NCAM2: variants seen among roughly 807,000 people sequenced by gnomAD.
NCAM2 encodes N-CAM-2.
NCAM2 carries 30 observed loss-of-function variants against 98.1 expected under a neutral mutation model. That is an observed-to-expected ratio of 0.31 (90% CI 0.23 to 0.41). NCAM2 has a LOEUF of 0.41. NCAM2 is among the 10% of genes least tolerant of loss of function. The probability of loss-of-function intolerance (pLI) is 1.00; values close to 1 mark genes in which losing one functional copy is unlikely to be tolerated. For missense variants in NCAM2, 867 were observed against 1,005.8 expected (o/e 0.86, Z 1.87); for synonymous variants, 368 against 342.4 (o/e 1.07, Z -0.83).
chr21:21,497,479 T>TAAAGCA (rs1987323496), intron 15 of NCAM2, among the ~76,000 whole-genome samples: 1 of 152,068 alleles, frequency 6.6e-6, no homozygotes, highest in African/African-American at 2.4e-5. Flanking sequence ...AATCAGATAT[T>TAAAGCA]AAGAAAAAGC....
At position 21,452,999 on chromosome 21, in the gene NCAM2, A is replaced by ATTATATATTATATT. The variant is rs1325754087; in HGVS notation, c.1655-13607_1655-13606insTTATATATTATATT. Among the ~76,000 whole-genome samples the ATTATATATTATATT allele has an allele frequency of 2.0e-3, 182 of 92,136 alleles. 1 individual carries two copies. Among genetic ancestry groups the ATTATATATTATATT allele is most frequent in the African/African-American group, 8.7e-3 (178 of 20,514 alleles). 60.4% of individuals were successfully genotyped at this position (92,136 alleles called of 152,430 possible). Reference sequence around the variant, plus strand: ...TTATATATTATATATTATATTATATAATATATAATATATAAAAATATATAA... The same window carrying ATTATATATTATATT: ...TTATATATTATATATTATATTATATATTATATATTATATTATATATAATATATAAAAATATATAA... On this transcript the variant is annotated intron_variant, in intron 12 of 17. Transcript: ENST00000400546.
At chr21:21,312,464 G>A (rs549370540) in intron 5 of NCAM2, among the ~76,000 whole-genome samples, 1 of 151,288 alleles carries the variant, frequency 6.6e-6, no homozygotes, top group African/African-American at 2.4e-5. Context: ...ATTCATTAAT[G>A]TCATATAATT....
chr21:21,129,053 T>G (rs2066883773), intron 1 of NCAM2, among the ~76,000 whole-genome samples: 1 of 152,166 alleles, frequency 6.6e-6, no homozygotes, highest in South Asian at 2.1e-4. Context: ...TATGAACTGC[T>G]TATTAAGAGC....
In NCAM2 at chr21:21,125,629, TATATA is replaced by T. The variant is rs1353166935; in HGVS notation, c.55+127016_55+127020del. ...TAAATATATAATATGTTATATATAA[TATATA>T]ATATTTTACGTGTATATGTAGAGAT... On this transcript the variant is annotated intron_variant, in intron 1 of 17. Coordinates refer to ENST00000400546, the MANE Select transcript of NCAM2 (RefSeq NM_004540.5). 5.9e-5 allele frequency among the ~76,000 whole-genome samples: 8 copies of T among 135,688 alleles called. No homozygotes were observed. The South Asian group carries it at 6.5e-4, about 11-fold the overall frequency. The allele number at this position is 135,688 out of a possible 152,430, so 89.0% of individuals were successfully genotyped here.
chr21:21,528,436 G>A (rs9974771), intron 16 of NCAM2, among the ~76,000 whole-genome samples: 42,387 of 151,958 alleles, frequency 0.28, 6,642 homozygotes, highest in African/African-American at 0.41. Context: ...GAGGCTATGC[G>A]TGTGTGGGAG....
At chr21:21,288,443 A>T (rs1016043144) in intron 4 of NCAM2, among the ~76,000 whole-genome samples, 24 of 152,024 alleles carry the variant, frequency 1.6e-4, no homozygotes, top group Middle Eastern at 3.4e-3. Flanking sequence ...TAGAACCAGA[A>T]AATCCAATGT....
At chr21:21,458,570 A>T (rs1251785733) in intron 12 of NCAM2, among the ~76,000 whole-genome samples, 1 of 152,176 alleles carries the variant, frequency 6.6e-6, no homozygotes, top group Non-Finnish European at 1.5e-5. Flanking sequence ...CCCCTTCTGC[A>T]ATGTGAGGAA....
intron 1 of NCAM2, among the ~76,000 whole-genome samples, chr21:21,052,149 C>CTT (rs2065121901): frequency 9.1e-6 from 1 of 109,934 alleles, no homozygotes; most frequent in African/African-American, 3.8e-5. Context: ...TCATGATGGC[C>CTT]ATTTTTTTTT....
chr21:21,110,926 T>G (rs2066441693), intron 1 of NCAM2, among the ~76,000 whole-genome samples: 1 of 152,082 alleles, frequency 6.6e-6, no homozygotes, highest in African/African-American at 2.4e-5. Context: ...CTGGACATGG[T>G]GTGTTTTTTA....
intron 6 of NCAM2, among the ~76,000 whole-genome samples, chr21:21,325,712 C>T (rs894680489): frequency 2.0e-5 from 3 of 152,154 alleles, no homozygotes; most frequent in African/African-American, 7.2e-5. Flanking sequence ...TACTGTTCTA[C>T]AATCTTTTTT....
chr21:21,292,402 A>T (rs1257070284), intron 5 of NCAM2, among the ~76,000 whole-genome samples, 161 bp downstream of exon 5: 1 of 151,876 alleles, frequency 6.6e-6, no homozygotes, highest in Non-Finnish European at 1.5e-5. Context: ...GTAACATTGT[A>T]TTACAGCCTC....
intron 1 of NCAM2, among the ~76,000 whole-genome samples, chr21:21,121,058 A>T (rs949887563): frequency 1.3e-5 from 2 of 152,088 alleles, no homozygotes; most frequent in African/African-American, 4.8e-5. Flanking sequence ...TACTGAGTTT[A>T]TATTGTTCTT....
chr21:21,274,889 T>C (rs1356218303), intron 1 of NCAM2, among the ~76,000 whole-genome samples: 2 of 152,178 alleles, frequency 1.3e-5, no homozygotes, highest in Non-Finnish European at 2.9e-5. Flanking sequence ...TTTAAATCTC[T>C]GTAGGTGATA....
At chr21:21,033,741 G>A (rs1172952978) in intron 1 of NCAM2, among the ~76,000 whole-genome samples, 2 of 152,130 alleles carry the variant, frequency 1.3e-5, no homozygotes, top group African/African-American at 2.4e-5. Context: ...GCCTGACATA[G>A]AGTTAATCTT....
intron 14 of NCAM2, among the ~76,000 whole-genome samples, chr21:21,471,842 CT>C (rs2146236452): frequency 6.6e-6 from 1 of 152,052 alleles, no homozygotes; most frequent in East Asian, 1.9e-4. Flanking sequence ...GCTTTGTTCA[CT>C]CACCCATTAC....
At chr21:21,365,755 A>G (rs1031548242) in intron 8 of NCAM2, among the ~76,000 whole-genome samples, 4 of 152,042 alleles carry the variant, frequency 2.6e-5, no homozygotes, top group African/African-American at 9.7e-5. Flanking sequence ...GTATATATTG[A>G]AAAAACAACA....
At chr21:21,238,745 T>A (rs1210160415) in intron 1 of NCAM2, among the ~76,000 whole-genome samples, 1 of 152,154 alleles carries the variant, frequency 6.6e-6, no homozygotes, top group Non-Finnish European at 1.5e-5. Flanking sequence ...TTAGGGCGAT[T>A]TTCTTTCTTG....
intron 12 of NCAM2, among the ~76,000 whole-genome samples, chr21:21,441,441 A>G (rs920318545): frequency 3.3e-5 from 5 of 152,186 alleles, no homozygotes; most frequent in Non-Finnish European, 5.9e-5. Context: ...TTCTCCAACA[A>G]ATATATACTT....
At chr21:21,098,770 CA>C (rs563722204) in intron 1 of NCAM2, among the ~76,000 whole-genome samples, 71 of 151,598 alleles carry the variant, frequency 4.7e-4, no homozygotes, top group African/African-American at 1.6e-3. Context: ...TGAAGATGGA[CA>C]AAAAAAGATG....
Sources: allele counts gnomAD v4.1 joint callset (sites outside exome capture counted in the v4.1 genomes callset), GRCh38; gene constraint gnomAD v4.1.1; transcripts MANE v1.5; gene names NCBI Gene and HGNC (gene_info 2026-07-23, HGNC 2026-07-21).